Variants in SPOCK3 observed in about 807,000 individuals in gnomAD.
The protein encoded by SPOCK3 is testican-3.
Under a neutral mutation model 56.6 loss-of-function variants are expected in SPOCK3, and 30 were observed. The observed-to-expected ratio is 0.53, with a 90% CI of 0.40 to 0.72. SPOCK3 has a LOEUF of 0.72. Among genes scored for constraint, SPOCK3 ranks in the 30% least tolerant of loss-of-function variants. SPOCK3 has a pLI of 0.00. For missense variants in SPOCK3, 527 were observed against 530.0 expected (o/e 0.99, Z 0.06); for synonymous variants, 196 against 183.3 (o/e 1.07, Z -0.56).
Position 166,950,450 on chromosome 4 carries a change from C to T in SPOCK3, c.351-37707G>A, listed in dbSNP as rs552890258. On this transcript the variant is annotated intron_variant, in intron 4 of 10. Coordinates refer to ENST00000357545, the MANE Select transcript of SPOCK3 (RefSeq NM_001040159.2). ...ATTCATAAAGCAAGTCCTGAGTGAC[C>T]TACAAAGAGACTTAGACTCCCACAC... is the stretch of plus-strand genomic sequence containing the variant. 2.0e-5 allele frequency among the ~76,000 whole-genome samples: 3 copies of T among 151,886 alleles called. No homozygotes were observed. In the South Asian group the frequency reaches 6.2e-4, roughly 32 times the overall value.
At chr4:166,976,283 T>C (rs955688961) in intron 4 of SPOCK3, among the ~76,000 whole-genome samples, 11 of 152,202 alleles carry the variant, frequency 7.2e-5, no homozygotes, top group Admixed American at 1.3e-4. Flanking sequence ...GGCTCTTCAA[T>C]GTAAGTATTT....
intron 3 of SPOCK3, among the ~76,000 whole-genome samples, chr4:167,060,562 T>G (rs1755490733): frequency 6.6e-6 from 1 of 152,108 alleles, no homozygotes; most frequent in African/African-American, 2.4e-5. Context: ...GATACAAAAC[T>G]TTCTTACATG....
intron 3 of SPOCK3, among the ~76,000 whole-genome samples, chr4:167,012,451 T>C (rs1313202819): frequency 6.6e-6 from 1 of 152,032 alleles, no homozygotes; most frequent in Non-Finnish European, 1.5e-5. Flanking sequence ...ATTTCAATTG[T>C]AACTTAAAGT....
chr4:166,920,092 G>A (rs1031775615), intron 4 of SPOCK3, among the ~76,000 whole-genome samples: 23 of 152,054 alleles, frequency 1.5e-4, no homozygotes, highest in African/African-American at 3.6e-4. Context: ...TCTCTGGTGC[G>A]TACAATTCAT....
intron 6 of SPOCK3, among the ~76,000 whole-genome samples, chr4:166,807,278 C>T (rs1743266964): frequency 6.7e-6 from 1 of 149,228 alleles, no homozygotes; most frequent in Admixed American, 6.7e-5. Flanking sequence ...GTATGGCTAG[C>T]TTTGGGACTG....
At chr4:166,953,100 A>T (rs545266581) in intron 4 of SPOCK3, among the ~76,000 whole-genome samples, 3,855 of 151,856 alleles carry the variant, frequency 0.025, 75 homozygotes, top group Middle Eastern at 0.065. Context: ...TAATTAAACT[A>T]AAGAGCTTCT....
intron 2 of SPOCK3, among the ~76,000 whole-genome samples, chr4:167,158,796 A>AT (rs201200633): frequency 2.1e-3 from 319 of 152,122 alleles, no homozygotes; most frequent in African/African-American, 7.0e-3. Flanking sequence ...AATCTTTATA[A>AT]TAGATATCAC....
chr4:167,139,321 A>C (rs577201755), intron 2 of SPOCK3, among the ~76,000 whole-genome samples: 1 of 152,174 alleles, frequency 6.6e-6, no homozygotes, highest in Non-Finnish European at 1.5e-5. Context: ...GAAACATATA[A>C]ATTAATGAAC....
intron 7 of SPOCK3, among the ~76,000 whole-genome samples, chr4:166,764,969 T>C (rs1737787580): frequency 1.3e-5 from 2 of 152,226 alleles, no homozygotes; most frequent in African/African-American, 4.8e-5. Context: ...CATGTGTCTG[T>C]TGGCTGCATA....
At chr4:167,140,556 A>G (rs1305526412) in intron 2 of SPOCK3, among the ~76,000 whole-genome samples, 1 of 152,028 alleles carries the variant, frequency 6.6e-6, no homozygotes. Context: ...TAGGAATCTC[A>G]TCCATTAACC....
At chr4:167,146,545 GACC>G (rs1310509001) in intron 2 of SPOCK3, among the ~76,000 whole-genome samples, 1 of 151,994 alleles carries the variant, frequency 6.6e-6, no homozygotes, top group Non-Finnish European at 1.5e-5. Flanking sequence ...TTCTAAAATT[GACC>G]ACATCATTGG....
chr4:167,007,308 A>G (rs375664443), intron 3 of SPOCK3, among the ~76,000 whole-genome samples: 4 of 151,976 alleles, frequency 2.6e-5, no homozygotes, highest in East Asian at 3.9e-4. Flanking sequence ...AGTAGTTCCA[A>G]ATAATCTACA....
At chr4:167,025,354 G>T (rs1751602507) in intron 3 of SPOCK3, among the ~76,000 whole-genome samples, 3 of 151,862 alleles carry the variant, frequency 2.0e-5, no homozygotes, top group Admixed American at 2.0e-4. Flanking sequence ...CCACCATGAG[G>T]CTCTCTGATG....
intron 2 of SPOCK3, among the ~76,000 whole-genome samples, chr4:167,095,816 T>G (rs920608175): frequency 2.6e-5 from 4 of 151,770 alleles, no homozygotes; most frequent in African/African-American, 9.7e-5. Flanking sequence ...TTTTAATAAT[T>G]AATGACCTTC....
intron 4 of SPOCK3, among the ~76,000 whole-genome samples, chr4:166,934,555 C>T (rs889242399): frequency 7.9e-5 from 12 of 152,106 alleles, no homozygotes; most frequent in African/African-American, 1.9e-4. Flanking sequence ...AAAGATACCC[C>T]GTGCCAGTTG....
intron 2 of SPOCK3, among the ~76,000 whole-genome samples, chr4:167,212,143 A>G (rs2111036445): frequency 6.6e-6 from 1 of 152,240 alleles, no homozygotes; most frequent in Middle Eastern, 3.4e-3. Flanking sequence ...CAGTTCTAAT[A>G]TATGCCTTTA....
chr4:166,914,545 C>A (rs186209507), intron 4 of SPOCK3, among the ~76,000 whole-genome samples: 3 of 152,192 alleles, frequency 2.0e-5, no homozygotes, highest in African/African-American at 4.8e-5. Flanking sequence ...CCGAGACAGG[C>A]GGATCACCTG....
chr4:166,773,682 C>G (rs1186146253), intron 7 of SPOCK3, among the ~76,000 whole-genome samples: 1 of 152,160 alleles, frequency 6.6e-6, no homozygotes, highest in African/African-American at 2.4e-5. Context: ...TAGTCTACAT[C>G]AGCTCTTTAT....
intron 2 of SPOCK3, among the ~76,000 whole-genome samples, chr4:167,113,373 ATT>A (rs35390223): frequency 1.4e-5 from 2 of 145,038 alleles, no homozygotes; most frequent in Non-Finnish European, 1.5e-5. Flanking sequence ...TCTTCTTACA[ATT>A]TTTTTTTTTT....
Sources: allele counts gnomAD v4.1 joint callset (sites outside exome capture counted in the v4.1 genomes callset), GRCh38; gene constraint gnomAD v4.1.1; transcripts MANE v1.5; gene names NCBI Gene and HGNC (gene_info 2026-07-23, HGNC 2026-07-21).